Variants in DYNC2H1 observed in about 807,000 individuals in gnomAD.
The protein encoded by DYNC2H1 is cytoplasmic dynein 2 heavy chain 1.
In DYNC2H1, 410 loss-of-function variants were observed where a neutral mutation model predicts 570.0. The ratio of observed to expected loss-of-function variants is 0.72; its 90% CI spans 0.66 to 0.78. The LOEUF is 0.78. DYNC2H1 is among the 30% of genes least tolerant of loss of function. The probability of loss-of-function intolerance (pLI) is 0.00; values close to 1 mark genes in which losing one functional copy is unlikely to be tolerated. For missense variants in DYNC2H1, 4,865 were observed against 5,046.4 expected (o/e 0.96, Z 1.09); for synonymous variants, 1,688 against 1,677.6 (o/e 1.01, Z -0.15).
At chr11:103,397,137 G>C (rs931425640) in intron 83 of DYNC2H1, among the ~76,000 whole-genome samples, 2 of 152,136 alleles carry the variant, frequency 1.3e-5, no homozygotes, top group East Asian at 3.9e-4. Flanking sequence ...GACAGAATGA[G>C]AGAAAGAAAG....
intron 87 of DYNC2H1, among the ~76,000 whole-genome samples, chr11:103,464,506 G>T (rs1945131215): frequency 6.6e-6 from 1 of 152,086 alleles, no homozygotes; most frequent in African/African-American, 2.4e-5. Context: ...TGGATGAAAA[G>T]CATCTGCAAA....
Position 103,203,305 on chromosome 11 carries a change from A to G in DYNC2H1, c.8198-358A>G, listed in dbSNP as rs1862793501. ...CTTGAAGGATAAGAATTTATTGGGT[A>G]TCAAGATAAGGGGCAGAGGATGACT... is the stretch of plus-strand genomic sequence containing the variant. On this transcript the variant is annotated intron_variant, in intron 50 of 88. Coordinates refer to ENST00000375735, the MANE Select transcript of DYNC2H1 (RefSeq NM_001377.3). The surrounding 1 kb of genome is among the most constrained non-coding windows in gnomAD (Gnocchi z 4.7). Among the ~76,000 whole-genome samples the G allele has an allele frequency of 2.0e-5, 3 of 152,180 alleles. No homozygotes were observed. In the South Asian group the frequency reaches 6.2e-4, roughly 31 times the overall value.
At chr11:103,417,789 T>C (rs1943340520) in intron 84 of DYNC2H1, among the ~76,000 whole-genome samples, 1 of 151,640 alleles carries the variant, frequency 6.6e-6, no homozygotes, top group Non-Finnish European at 1.5e-5. Context: ...GGCAGGAGAA[T>C]TGCTTGAACC....
At chr11:103,411,158 T>TTTAGAATAC (rs1943070585) in intron 84 of DYNC2H1, among the ~76,000 whole-genome samples, 3 of 151,952 alleles carry the variant, frequency 2.0e-5, no homozygotes, top group Admixed American at 2.0e-4. Flanking sequence ...AATTAGAATA[T>TTTAGAATAC]GAGGAAAGAA....
intron 84 of DYNC2H1, among the ~76,000 whole-genome samples, chr11:103,411,718 A>G (rs910074133): frequency 1.3e-5 from 2 of 151,928 alleles, no homozygotes; most frequent in Admixed American, 6.6e-5. Context: ...CTTTCTTTCA[A>G]CCAAGATCTA....
chr11:103,361,495 T>G (rs60729667), intron 83 of DYNC2H1, among the ~76,000 whole-genome samples: 83,678 of 151,670 alleles, frequency 0.55, 24,807 homozygotes, highest in Admixed American at 0.66. Flanking sequence ...AAGACAGGGA[T>G]AAGGAATTTT....
At position 103,166,004 on chromosome 11, in the gene DYNC2H1, A is replaced by C. The variant is rs1455268008; in HGVS notation, c.4718A>C (p.Gln1573Pro). The change falls in exon 31 of 89, where the codon CAA (glutamine) becomes CCA (proline). Residue 1573 changes from glutamine (Q) to proline (P), a missense_variant. Around this residue, in one of 5 missense-constraint regions of DYNC2H1, gnomAD observed 1,936 missense variants for 1,962.1 expected, o/e 0.99. Coordinates refer to ENST00000375735, the MANE Select transcript of DYNC2H1 (RefSeq NM_001377.3). ...IETQLVNKLE[Q>P]YTNIDTSSED... ...ACACAACTGGTGAATAAGTTAGAGC[A>C]ATATACTAACATTGATACAAGTTCT... is the stretch of plus-strand genomic sequence containing the variant. The C allele has an allele frequency of 3.8e-5, 59 of 1,536,270 alleles. No individual in the cohort carries two copies. Among genetic ancestry groups the C allele is most frequent in the Non-Finnish European group, 5.2e-5 (59 of 1,140,210 alleles).
Position 103,451,543 on chromosome 11 carries a change from G to A in DYNC2H1, c.12457-3643G>A, listed in dbSNP as rs693548. ...AGACGGGGTTTTGCCATGTTGGCCA[G>A]GATGGTCTCGATCTCTTGACCTCAC... On this transcript the variant is annotated intron_variant, in intron 85 of 88. Coordinates refer to ENST00000375735, the MANE Select transcript of DYNC2H1 (RefSeq NM_001377.3). Among the ~76,000 whole-genome samples the A allele has an allele frequency of 5.6e-3, 856 of 152,066 alleles. 9 individuals carry two copies. Among genetic ancestry groups the A allele is most frequent in the African/African-American group, 0.02 (820 of 41,456 alleles).
chr11:103,133,642 G>A lies in DYNC2H1; in HGVS notation c.2041G>A (p.Ala681Thr), dbSNP rs1859385489. Residue 681 changes from alanine (A) to threonine (T), a missense_variant, in exon 14 of 89, where the codon GCT becomes ACT. Ala to Thr is a moderately conservative substitution (Grantham distance 58, BLOSUM62 0). Coordinates refer to ENST00000375735, the MANE Select transcript of DYNC2H1 (RefSeq NM_001377.3). This position sits in a 1 kb window ranked among gnomAD's most constrained non-coding sequence, Gnocchi z 4.8. ...LEGYIQKLQN[A>T]AERLATENRK... ...AGGCTATATCCAAAAACTCCAAAAT[G>A]CTGCTGAACGGCTTGCCACTGAAAA... The A allele has an allele frequency of 1.2e-6, 2 of 1,613,332 alleles. No homozygotes were observed. The highest frequency in any genetic ancestry group is 1.7e-6 in the Non-Finnish European group (2 of 1,179,692).
chr11:103,166,636 G>C (rs1208909227), intron 31 of DYNC2H1, among the ~76,000 whole-genome samples: 2 of 152,080 alleles, frequency 1.3e-5, no homozygotes, highest in African/African-American at 4.8e-5. Context: ...AGCATTTAAA[G>C]TGTTCTACTT....
chr11:103,465,840 C>G lies in DYNC2H1; in HGVS notation c.12649-2749C>G, dbSNP rs949370197. Among the ~76,000 whole-genome samples the G allele has an allele frequency of 3.3e-5, 5 of 152,126 alleles. No homozygotes were observed. Among genetic ancestry groups the G allele is most frequent in the African/African-American group, 1.2e-4 (5 of 41,426 alleles). The stretch of plus-strand genomic sequence containing the variant: ...GAAGGCAGAGCCTTTTAAAGCCTAG[C>G]TTCAGAAGTTGCTTAAAGTCCTACC... On this transcript the variant is annotated intron_variant, in intron 87 of 88. Transcript: ENST00000375735. The surrounding 1 kb of genome is among the most constrained non-coding windows in gnomAD (Gnocchi z 4.9).
intron 78 of DYNC2H1, among the ~76,000 whole-genome samples, chr11:103,310,689 TTTTTTTTTTG>T (rs1187323155): frequency 1.2e-4 from 11 of 91,842 alleles, no homozygotes; most frequent in Non-Finnish European, 2.1e-4. Context: ...TTTTTTTTTT[TTTTTTTTTTG>T]GGAGACTGAG....
chr11:103,240,908 A>G (rs565745492), intron 63 of DYNC2H1, among the ~76,000 whole-genome samples: 1 of 152,286 alleles, frequency 6.6e-6, no homozygotes, highest in African/African-American at 2.4e-5. Context: ...TACTCCTGCC[A>G]TTTTATATGC....
chr11:103,121,740 T>TA (rs1158945144), intron 10 of DYNC2H1, among the ~76,000 whole-genome samples: 3 of 152,178 alleles, frequency 2.0e-5, no homozygotes, highest in Non-Finnish European at 2.9e-5. Context: ...GAAATACCTG[T>TA]ATTCAGGAGG....
chr11:103,295,253 A>G (rs745810933), intron 75 of DYNC2H1, among the ~76,000 whole-genome samples: 1 of 152,224 alleles, frequency 6.6e-6, no homozygotes, highest in Admixed American at 6.5e-5. Context: ...GGGCTGCTGT[A>G]TATGCTCCTT....
rs779577971 is a variant in DYNC2H1, at chr11:103,148,446, A to G, written c.2819-44A>G. On this transcript the variant is annotated intron_variant, in intron 19 of 88. Coordinates refer to ENST00000375735, the MANE Select transcript of DYNC2H1 (RefSeq NM_001377.3). ...GAAATTATGTAACTTAGTATTTTTG[A>G]TGGTAATAATTAACATTTCTTGTAT... 10 of 1,528,020 alleles carry G rather than the reference A, an allele frequency of 6.5e-6. No homozygotes were observed. The South Asian group carries it at 1.1e-4, about 17-fold the overall frequency. The allele number at this position is 1,528,020 out of a possible 1,614,324, so 94.7% of individuals were successfully genotyped here. A position where few individuals can be genotyped will look rare whatever the true frequency, so the allele number is the denominator to read the frequency against.
At chr11:103,222,207 C>A in intron 58 of DYNC2H1, 54 bp downstream of exon 58, 1 of 1,253,838 alleles carries the variant, frequency 8.0e-7, no homozygotes, top group Non-Finnish European at 1.1e-6. Flanking sequence ...TAATATTCTG[C>A]TTTTTAAAAT....
Position 103,170,833 on chromosome 11 carries a change from A to T in DYNC2H1, c.5152-53A>T, listed in dbSNP as rs903071575. 1.4e-5 allele frequency: 19 copies of T among 1,335,530 alleles called. No individual in the cohort carries two copies. Among genetic ancestry groups the T allele is most frequent in the Non-Finnish European group, 1.8e-5 (18 of 1,017,870 alleles). 82.7% of individuals were successfully genotyped at this position (1,335,530 alleles called of 1,614,324 possible). A position where few individuals can be genotyped will look rare whatever the true frequency, so the allele number is the denominator to read the frequency against. Reference sequence around the variant, plus strand: ...AAGTAACATTAAATATTAAGTAGTTATGGAGATTTTGATTATTTTTTAATG... The same window carrying T: ...AAGTAACATTAAATATTAAGTAGTTTTGGAGATTTTGATTATTTTTTAATG... On this transcript the variant is annotated intron_variant, in intron 33 of 88. Coordinates refer to ENST00000375735, the MANE Select transcript of DYNC2H1 (RefSeq NM_001377.3). This position sits in a 1 kb window ranked among gnomAD's most constrained non-coding sequence, Gnocchi z 4.8.
intron 28 of DYNC2H1, among the ~76,000 whole-genome samples, chr11:103,160,000 T>C (rs1861018890): frequency 6.6e-6 from 1 of 152,170 alleles, no homozygotes; most frequent in South Asian, 2.1e-4. Context: ...TCTCTGGTCC[T>C]GTACAGAAAT....
Sources: allele counts gnomAD v4.1 joint callset (sites outside exome capture counted in the v4.1 genomes callset), GRCh38; gene constraint gnomAD v4.1.1; regional missense constraint gnomAD v4.1.1; non-coding constraint Gnocchi (gnomAD v3.1); transcripts MANE v1.5; gene names NCBI Gene and HGNC (gene_info 2026-07-23, HGNC 2026-07-21).